Variants in TRABD2B observed in about 807,000 individuals in gnomAD.
TRABD2B encodes metalloprotease TIKI2.
A neutral mutation model predicts 40.1 loss-of-function variants in TRABD2B; 14 were observed. That is an observed-to-expected ratio of 0.35 (90% CI 0.23 to 0.55). The LOEUF is 0.55. Among genes scored for constraint, TRABD2B ranks in the 20% least tolerant of loss-of-function variants. The pLI is 0.90. For missense variants in TRABD2B, 541 were observed against 648.6 expected (o/e 0.83, Z 1.80); for synonymous variants, 263 against 277.0 (o/e 0.95, Z 0.50).
intron 2 of TRABD2B, among the ~76,000 whole-genome samples, chr1:47,925,984 C>T (rs916000584): frequency 3.3e-5 from 5 of 152,066 alleles, no homozygotes; most frequent in African/African-American, 4.8e-5. Flanking sequence ...TCAACTTTTC[C>T]CTGTGTCATT....
chr1:47,917,050 T>C (rs534090927), intron 2 of TRABD2B, among the ~76,000 whole-genome samples: 9 of 152,320 alleles, frequency 5.9e-5, no homozygotes, highest in Admixed American at 2.6e-4. Flanking sequence ...CACGCACAGC[T>C]CCTGCAGAGC....
intron 2 of TRABD2B, among the ~76,000 whole-genome samples, chr1:47,984,448 G>C (rs1447194183): frequency 6.6e-6 from 1 of 152,258 alleles, no homozygotes; most frequent in Non-Finnish European, 1.5e-5. Flanking sequence ...GTCATGCACA[G>C]AGCGCTCGCC....
chr1:47,897,024 G>A (rs914646166), intron 2 of TRABD2B, among the ~76,000 whole-genome samples: 16 of 152,186 alleles, frequency 1.1e-4, no homozygotes, highest in Non-Finnish European at 2.4e-4. Flanking sequence ...CAAGGTATTG[G>A]ATGTGATAGG....
chr1:47,903,560 G>A (rs1644633200), intron 2 of TRABD2B, among the ~76,000 whole-genome samples: 3 of 152,130 alleles, frequency 2.0e-5, no homozygotes, highest in African/African-American at 7.2e-5. Context: ...TGTGAGGAGG[G>A]AGGCAGTGGG....
chr1:47,900,562 T>C (rs1644586739), intron 2 of TRABD2B, among the ~76,000 whole-genome samples: 1 of 152,136 alleles, frequency 6.6e-6, no homozygotes, highest in Non-Finnish European at 1.5e-5. Context: ...TGATGCCAAA[T>C]ACACAAGCCT....
At position 47,801,587 on chromosome 1, in the gene TRABD2B, C is replaced by A; in HGVS notation, c.699G>T (p.Gln233His). Residue 233 changes from glutamine (Q) to histidine (H), a missense_variant, in exon 3 of 7, where the codon CAG (glutamine) becomes CAT (histidine). Gln to His is a conservative substitution (Grantham distance 24). Around this residue, in one of 2 missense-constraint regions of TRABD2B, gnomAD observed 369 missense variants for 492.8 expected, o/e 0.75. Transcript: ENST00000606738. Reference sequence around the variant, plus strand: ...GGCTCCCGGCCCGCACACTCTCCTGCTGCAGCAGGGTTTGGTTCAGGGCAA... The same window carrying A: ...GGCTCCCGGCCCGCACACTCTCCTGATGCAGCAGGGTTTGGTTCAGGGCAA... ...VLFALNQTLLQQESVRAGSLQ... is the reference protein window; with the variant it reads ...VLFALNQTLLHQESVRAGSLQ... 1 of 1,535,944 alleles carries A rather than the reference C, an allele frequency of 6.5e-7. No homozygotes were observed. Among genetic ancestry groups the A allele is most frequent in the Non-Finnish European group, 8.7e-7 (1 of 1,146,802 alleles).
rs80333344 is a variant in TRABD2B at position 47,846,158 on chromosome 1, T to C, written c.667-44539A>G. On this transcript the variant is annotated intron_variant, in intron 2 of 6. Coordinates refer to ENST00000606738, the MANE Select transcript of TRABD2B (RefSeq NM_001194986.2). ...AGTTAAAAAAAGAAAAGAACCAGCA[T>C]ATAGCTAAGATGTGGTTAATACATT... 4.4e-3 allele frequency among the ~76,000 whole-genome samples: 672 copies of C among 152,278 alleles called. 7 individuals are homozygous for C. Among genetic ancestry groups the C allele is most frequent in the African/African-American group, 0.016 (660 of 41,546 alleles).
intron 2 of TRABD2B, among the ~76,000 whole-genome samples, chr1:47,893,783 C>T (rs1644481568): frequency 6.6e-6 from 1 of 152,174 alleles, no homozygotes; most frequent in Non-Finnish European, 1.5e-5. Flanking sequence ...CACAAATCAA[C>T]AGAGGGCTCA....
At chr1:47,882,864 G>C (rs576017939) in intron 2 of TRABD2B, among the ~76,000 whole-genome samples, 12 of 152,250 alleles carry the variant, frequency 7.9e-5, no homozygotes, top group African/African-American at 2.9e-4. Context: ...GGGCAAAGCA[G>C]ACGATGCACC....
At chr1:47,986,390 C>A (rs1013168181) in intron 2 of TRABD2B, among the ~76,000 whole-genome samples, 1 of 152,148 alleles carries the variant, frequency 6.6e-6, no homozygotes, top group Non-Finnish European at 1.5e-5. Context: ...ACCACAAAGC[C>A]CCAACTTCAG....
At chr1:47,942,464 T>A (rs1011316777) in intron 2 of TRABD2B, among the ~76,000 whole-genome samples, 6 of 152,102 alleles carry the variant, frequency 3.9e-5, no homozygotes, top group African/African-American at 1.2e-4. Context: ...CAAGCACTAC[T>A]CCAGACCAAG....
At chr1:47,850,686 C>T (rs1645537561) in intron 2 of TRABD2B, among the ~76,000 whole-genome samples, 1 of 152,160 alleles carries the variant, frequency 6.6e-6, no homozygotes. Flanking sequence ...CCTGGCACCA[C>T]TAAGAAGGAA....
intron 6 of TRABD2B, among the ~76,000 whole-genome samples, chr1:47,773,195 T>C (rs1644399146): frequency 6.6e-6 from 1 of 152,208 alleles, no homozygotes; most frequent in African/African-American, 2.4e-5. Context: ...ACCAGCCTAA[T>C]TGGAACTTTT....
chr1:47,917,663 G>C, intron 2 of TRABD2B, among the ~76,000 whole-genome samples: 1 of 152,130 alleles, frequency 6.6e-6, no homozygotes, highest in East Asian at 1.9e-4. Flanking sequence ...GAGTCCAGGA[G>C]TTTGAGGCTG....
intron 2 of TRABD2B, among the ~76,000 whole-genome samples, chr1:47,908,184 C>T (rs1002778589): frequency 2.0e-5 from 3 of 152,104 alleles, no homozygotes; most frequent in Admixed American, 6.5e-5. Context: ...ATAATAATCC[C>T]ATTTTTATAA....
intron 2 of TRABD2B, among the ~76,000 whole-genome samples, chr1:47,878,356 A>G (rs899913664): frequency 6.6e-5 from 10 of 152,198 alleles, no homozygotes; most frequent in African/African-American, 2.4e-4. Context: ...AAATGTTTTC[A>G]GTGAGTAGGT....
At chr1:47,769,956 G>A (rs1644357340) in intron 6 of TRABD2B, among the ~76,000 whole-genome samples, 1 of 152,198 alleles carries the variant, frequency 6.6e-6, no homozygotes, top group Non-Finnish European at 1.5e-5. Flanking sequence ...GGAAGCCCAA[G>A]GCAGAAAGCA....
At chr1:47,958,858 G>C (rs569830330) in intron 2 of TRABD2B, among the ~76,000 whole-genome samples, 1 of 151,990 alleles carries the variant, frequency 6.6e-6, no homozygotes, top group Non-Finnish European at 1.5e-5. Context: ...TGCACCAACC[G>C]GACCTAATAG....
intron 2 of TRABD2B, among the ~76,000 whole-genome samples, chr1:47,849,978 TCA>T (rs1322280758): frequency 6.6e-6 from 1 of 152,214 alleles, no homozygotes; most frequent in Admixed American, 6.5e-5. Context: ...GCCCACAGAC[TCA>T]CAGGAGAATT....
Sources: gnomAD v4.1 joint callset for allele counts (sites outside exome capture counted in the v4.1 genomes callset) on GRCh38, gnomAD v4.1.1 for gene constraint, gnomAD v4.1.1 regional missense constraint, MANE v1.5 for transcripts, NCBI Gene and HGNC (gene_info 2026-07-23, HGNC 2026-07-21) for gene names.